Variants in FHIT observed in about 807,000 individuals in gnomAD.
The protein encoded by FHIT is fragile histidine triad diadenosine triphosphatase.
FHIT carries 19 observed loss-of-function variants against 17.9 expected under a neutral mutation model. The observed-to-expected ratio is 1.06, with a 90% CI of 0.74 to 1.56. The LOEUF is 1.56. Ranked by LOEUF, FHIT falls within the 40% of genes most tolerant of loss-of-function variation. The pLI, the probability that FHIT is intolerant of heterozygous loss-of-function variation, is 0.00. For missense variants in FHIT, 248 were observed against 189.2 expected, an observed-to-expected ratio of 1.31 and a Z score of -1.82; for synonymous variants, 81 against 69.7, an observed-to-expected ratio of 1.16 and a Z score of -0.81.
At chr3:60,985,821 C>T (rs1292839399) in intron 3 of FHIT, among the ~76,000 whole-genome samples, 1 of 152,342 alleles carries the variant, frequency 6.6e-6, no homozygotes, top group African/African-American at 2.4e-5. Flanking sequence ...TCTTACAGTT[C>T]TGGTGGTCAG....
chr3:60,924,314 G>A (rs1267045467), intron 3 of FHIT, among the ~76,000 whole-genome samples: 1 of 152,156 alleles, frequency 6.6e-6, no homozygotes, highest in Admixed American at 6.5e-5. Context: ...CCCCCAGTAG[G>A]GGCAGACTGA....
chr3:61,081,203 C>G (rs147455001), intron 2 of FHIT, among the ~76,000 whole-genome samples: 98 of 152,274 alleles, frequency 6.4e-4, no homozygotes, highest in African/African-American at 2.3e-3. Context: ...GAGGCTGTGT[C>G]TCCAGGGTTC....
At chr3:60,080,663 G>C (rs1703240003) in intron 5 of FHIT, 1 of 152,106 alleles carries the variant, frequency 6.6e-6, no homozygotes, top group Admixed American at 6.6e-5. Flanking sequence ...GAGCCTGTTT[G>C]AATTCATAAA....
chr3:60,083,354 G>A (rs1168048959), intron 5 of FHIT, among the ~76,000 whole-genome samples: 1 of 152,078 alleles, frequency 6.6e-6, no homozygotes, highest in African/African-American at 2.4e-5. Context: ...TTTGGTTAAT[G>A]TAGCCTTATA....
intron 5 of FHIT, among the ~76,000 whole-genome samples, chr3:60,150,600 G>C (rs763330514): frequency 2.6e-5 from 4 of 152,150 alleles, no homozygotes; most frequent in Admixed American, 6.5e-5. Flanking sequence ...GAGACTATAG[G>C]TGTGCACCTT....
chr3:61,150,636 C>T (rs1444149115), intron 2 of FHIT, among the ~76,000 whole-genome samples: 2 of 152,136 alleles, frequency 1.3e-5, no homozygotes, highest in Non-Finnish European at 2.9e-5. Context: ...TACATAATAG[C>T]TTAAAGTATC....
intron 5 of FHIT, among the ~76,000 whole-genome samples, chr3:60,384,301 T>C (rs2107125615): frequency 6.6e-6 from 1 of 151,924 alleles, no homozygotes; most frequent in South Asian, 2.1e-4. Flanking sequence ...TAATTTTTAA[T>C]AGAGACTATT....
intron 5 of FHIT, among the ~76,000 whole-genome samples, chr3:60,218,430 T>C (rs1703799563): frequency 6.6e-6 from 1 of 152,128 alleles, no homozygotes; most frequent in Non-Finnish European, 1.5e-5. Context: ...TATAAAACAG[T>C]TGATAAGAAA....
intron 5 of FHIT, among the ~76,000 whole-genome samples, chr3:60,194,228 T>C (rs1394421263): frequency 6.6e-6 from 1 of 152,072 alleles, no homozygotes; most frequent in Non-Finnish European, 1.5e-5. Context: ...GGTACTAGTA[T>C]AAAAGTAGAT....
At chr3:61,009,153 C>A (rs2031644714) in intron 3 of FHIT, among the ~76,000 whole-genome samples, 1 of 152,110 alleles carries the variant, frequency 6.6e-6, no homozygotes, top group African/African-American at 2.4e-5. Flanking sequence ...ATAAACTCTG[C>A]CCCAGCTTAA....
intron 7 of FHIT, among the ~76,000 whole-genome samples, chr3:59,937,720 T>C (rs1706311879): frequency 6.6e-6 from 1 of 152,194 alleles, no homozygotes; most frequent in Admixed American, 6.5e-5. Flanking sequence ...AGGGGCTAAA[T>C]TTAAGATTTT....
At chr3:61,241,048 G>C (rs1173018591) in intron 1 of FHIT, among the ~76,000 whole-genome samples, 1 of 152,148 alleles carries the variant, frequency 6.6e-6, no homozygotes, top group Admixed American at 6.5e-5. Flanking sequence ...TAACTGACAG[G>C]CAGAGACTAA....
chr3:61,170,991 T>C (rs888897984), intron 2 of FHIT, among the ~76,000 whole-genome samples: 12 of 152,172 alleles, frequency 7.9e-5, no homozygotes, highest in African/African-American at 2.7e-4. Context: ...CTGGACCAAA[T>C]GATATTTCTG....
intron 5 of FHIT, among the ~76,000 whole-genome samples, chr3:60,248,252 T>TG (rs1310167254): frequency 2.6e-5 from 4 of 152,154 alleles, no homozygotes; most frequent in African/African-American, 9.6e-5. Context: ...TTGCTGATGA[T>TG]AACAAATTTG....
At chr3:61,035,000 G>C (rs1244015389) in intron 3 of FHIT, among the ~76,000 whole-genome samples, 1 of 152,028 alleles carries the variant, frequency 6.6e-6, no homozygotes, top group Non-Finnish European at 1.5e-5. Context: ...TTATAACCTG[G>C]GTGAACCTTG....
rs548568845 is a variant in FHIT, at chr3:59,954,553, C to T, written c.280-32139G>A. ...TCCTCTCCTGGGAAAATCTGCAATT[C>T]GAAACTCAAAAGAAGATGAGGCTAA... is the stretch of plus-strand genomic sequence containing the variant. On this transcript the variant is annotated intron_variant, in intron 7 of 9. Transcript: ENST00000492590. 1.9e-4 allele frequency among the ~76,000 whole-genome samples: 29 copies of T among 152,166 alleles called. 1 individual carries two copies. Among genetic ancestry groups the T allele is most frequent in the Middle Eastern group, 3.4e-3 (1 of 294 alleles).
At chr3:60,040,744 C>T (rs2106830544) in intron 5 of FHIT, among the ~76,000 whole-genome samples, 1 of 152,232 alleles carries the variant, frequency 6.6e-6, no homozygotes, top group South Asian at 2.1e-4. Context: ...GAAGGAGAGA[C>T]TGGGGAGCTG....
At chr3:59,888,967 T>A (rs1339868408) in intron 8 of FHIT, among the ~76,000 whole-genome samples, 1 of 152,198 alleles carries the variant, frequency 6.6e-6, no homozygotes, top group Non-Finnish European at 1.5e-5. Context: ...GCTGAGCTAG[T>A]GTTTACAAGA....
intron 3 of FHIT, among the ~76,000 whole-genome samples, chr3:60,967,282 A>T (rs977628050): frequency 2.3e-4 from 35 of 152,334 alleles, no homozygotes; most frequent in African/African-American, 8.2e-4. Context: ...CAGTTCTGTT[A>T]TACCACATTG....
Sources: allele counts gnomAD v4.1 joint callset (sites outside exome capture counted in the v4.1 genomes callset), GRCh38; gene constraint gnomAD v4.1.1; transcripts MANE v1.5; gene names NCBI Gene and HGNC (gene_info 2026-07-23, HGNC 2026-07-21).